The following CAPZA1 variants were observed in gnomAD, a reference collection of about 807,000 sequenced individuals.
The protein encoded by CAPZA1 is capping actin protein of muscle Z-line subunit alpha 1.
A neutral mutation model predicts 40.8 loss-of-function variants in CAPZA1; 10 were observed. That is an observed-to-expected ratio of 0.25 (90% CI 0.15 to 0.42). The LOEUF is 0.42. Among genes scored for constraint, CAPZA1 ranks in the 10% least tolerant of loss-of-function variants. The pLI, the probability that CAPZA1 is intolerant of heterozygous loss-of-function variation, is 1.00. For missense variants in CAPZA1, 277 were observed against 353.8 expected, an observed-to-expected ratio of 0.78 and a Z score of 1.74; for synonymous variants, 98 against 115.0, an observed-to-expected ratio of 0.85 and a Z score of 0.95.
intron 5 of CAPZA1, among the ~76,000 whole-genome samples, chr1:112,657,246 G>T (rs1007060702): frequency 6.6e-6 from 1 of 152,006 alleles, no homozygotes; most frequent in Non-Finnish European, 1.5e-5. Flanking sequence ...TACAAGGCAT[G>T]AGCCACCAGG....
chr1:112,666,422 T>G (rs1671725711), intron 7 of CAPZA1, among the ~76,000 whole-genome samples: 2 of 152,234 alleles, frequency 1.3e-5, no homozygotes, highest in Non-Finnish European at 2.9e-5. Context: ...CTATCTTAAG[T>G]TGCCAAAACT....
chr1:112,649,341 A>T, intron 2 of CAPZA1, 77 bp from the exon 3 acceptor site: 2 of 1,069,662 alleles, frequency 1.9e-6, no homozygotes, highest in Non-Finnish European at 2.9e-6. Context: ...CCTGACATTT[A>T]AAAATTCAAT....
chr1:112,642,598 C>T (rs1322143048), intron 1 of CAPZA1, among the ~76,000 whole-genome samples: 2 of 152,180 alleles, frequency 1.3e-5, no homozygotes, highest in Non-Finnish European at 1.5e-5. Flanking sequence ...CTGCTTGCTA[C>T]ATTACTATCT....
intron 1 of CAPZA1, among the ~76,000 whole-genome samples, chr1:112,641,522 TTTACTGTCAGGACCCCTTTACATAC>T (rs1671161927): frequency 6.6e-6 from 1 of 152,170 alleles, no homozygotes; most frequent in African/African-American, 2.4e-5. Flanking sequence ...CTCAAACTTT[TTTACTGTCAGGACCCCTTTACATAC>T]TTAAAAACTG....
chr1:112,666,280 G>A (rs1463212351), intron 7 of CAPZA1, among the ~76,000 whole-genome samples: 1 of 151,976 alleles, frequency 6.6e-6, no homozygotes, highest in East Asian at 1.9e-4. Context: ...TTATCTCCTT[G>A]GTGTAGATGT....
At chr1:112,653,908 C>T (rs1362492214) in intron 4 of CAPZA1, among the ~76,000 whole-genome samples, 1 of 152,150 alleles carries the variant, frequency 6.6e-6, no homozygotes, top group Non-Finnish European at 1.5e-5. Context: ...ACAGGTTTTC[C>T]AGCTGTCTTT....
At chr1:112,639,117 C>T (rs61818802) in intron 1 of CAPZA1, among the ~76,000 whole-genome samples, 1 of 151,316 alleles carries the variant, frequency 6.6e-6, no homozygotes, top group Non-Finnish European at 1.5e-5. Flanking sequence ...TATCTAATAA[C>T]CATCCACCAT....
At chr1:112,635,541 G>A (rs1405527692) in intron 1 of CAPZA1, among the ~76,000 whole-genome samples, 1 of 138,742 alleles carries the variant, frequency 7.2e-6, no homozygotes, top group Non-Finnish European at 1.5e-5. Flanking sequence ...GTTTGTATGT[G>A]TTTGTCAAGG....
chr1:112,654,009 T>A (rs1308067707), intron 4 of CAPZA1, among the ~76,000 whole-genome samples: 1 of 152,200 alleles, frequency 6.6e-6, no homozygotes, highest in African/African-American at 2.4e-5. Flanking sequence ...ATTTATTACT[T>A]TAGGATTTTG....
At chr1:112,647,418 C>T (rs1256616987) in intron 2 of CAPZA1, 145 bp downstream of exon 2, 2 of 436,158 alleles carry the variant, frequency 4.6e-6, no homozygotes, top group East Asian at 6.8e-5. Context: ...TCCAAGGTCC[C>T]CCAGTTAGTA....
chr1:112,624,605 C>CAAAAAAAAAA (rs34860716), intron 1 of CAPZA1, among the ~76,000 whole-genome samples: 1 of 55,828 alleles, frequency 1.8e-5, no homozygotes, highest in Non-Finnish European at 3.0e-5. Flanking sequence ...AAAACTCCAT[C>CAAAAAAAAAA]AAAAAAAAAA....
intron 7 of CAPZA1, among the ~76,000 whole-genome samples, 197 bp downstream of exon 7, chr1:112,659,976 G>A (rs764995474): frequency 4.6e-5 from 7 of 151,912 alleles, no homozygotes; most frequent in Non-Finnish European, 1.0e-4. Context: ...CATGTAGAGT[G>A]TATGGCAACA....
chr1:112,626,961 A>ATTC (rs1235640251), intron 1 of CAPZA1, among the ~76,000 whole-genome samples: 4 of 152,230 alleles, frequency 2.6e-5, no homozygotes, highest in Non-Finnish European at 5.9e-5. Flanking sequence ...TGCTTTGTGG[A>ATTC]TTCTTTGTTT....
At chr1:112,653,740 A>C in intron 4 of CAPZA1, 79 bp downstream of exon 4, 3 of 924,006 alleles carry the variant, frequency 3.2e-6, no homozygotes, top group Non-Finnish European at 5.2e-6. Context: ...AGATGTCTGA[A>C]CCAGGTGCTG....
At chr1:112,626,761 G>A (rs750249290) in intron 1 of CAPZA1, among the ~76,000 whole-genome samples, 21 of 152,068 alleles carry the variant, frequency 1.4e-4, no homozygotes, top group South Asian at 2.1e-4. Context: ...CAGCTATAAC[G>A]TATTACAAAA....
intron 1 of CAPZA1, among the ~76,000 whole-genome samples, chr1:112,643,621 A>G (rs1671222698): frequency 6.6e-6 from 1 of 152,238 alleles, no homozygotes; most frequent in Admixed American, 6.5e-5. Flanking sequence ...GAAAAAAGTT[A>G]GTAATGTTTC....
intron 1 of CAPZA1, chr1:112,646,831 G>A (rs369651227): frequency 1.3e-5 from 2 of 152,496 alleles, no homozygotes; most frequent in Admixed American, 1.3e-4. Flanking sequence ...AACCGTCCTT[G>A]TATTGGGAGA....
At chr1:112,645,470 A>T (rs191233905) in intron 1 of CAPZA1, among the ~76,000 whole-genome samples, 2 of 152,044 alleles carry the variant, frequency 1.3e-5, no homozygotes, top group Admixed American at 6.5e-5. Context: ...GCAGAAAATT[A>T]AAATTTTTTA....
intron 1 of CAPZA1, among the ~76,000 whole-genome samples, chr1:112,642,505 G>A (rs1006926549): frequency 5.9e-5 from 9 of 152,026 alleles, no homozygotes; most frequent in African/African-American, 7.2e-5. Context: ...GTGAGCCACC[G>A]CGCCTGGCCG....
Sources: gnomAD v4.1 joint callset for allele counts (sites outside exome capture counted in the v4.1 genomes callset) on GRCh38, gnomAD v4.1.1 for gene constraint, MANE v1.5 for transcripts, NCBI Gene and HGNC (gene_info 2026-07-23, HGNC 2026-07-21) for gene names.